Variants in ADGRG6 observed in about 807,000 individuals in gnomAD.
ADGRG6 encodes G-protein coupled receptor 126.
ADGRG6 carries 84 observed loss-of-function variants against 142.4 expected under a neutral mutation model. That is an observed-to-expected ratio of 0.59 (90% CI 0.49 to 0.71). The LOEUF (loss-of-function observed/expected upper bound fraction) is 0.71. Ranked by LOEUF, ADGRG6 falls within the 30% of genes least tolerant of loss-of-function variation. The pLI is 0.00. For synonymous variants in ADGRG6, 521 were observed against 520.5 expected (o/e 1.00, Z -0.01); for missense variants, 1,367 against 1,466.6 (o/e 0.93, Z 1.11).
Position 142,341,397 on chromosome 6 carries a change from TATATA to T in ADGRG6, c.104-26166_104-26162del, listed in dbSNP as rs1212271178. On this transcript the variant is annotated intron_variant, in intron 2 of 24. Transcript: ENST00000367609. ...ATTATATATATACTATATATTATAT[TATATA>T]ATATATTATATAATATAATTATATA... is the stretch of plus-strand genomic sequence containing the variant. Among the ~76,000 whole-genome samples, 9 of 123,954 alleles carry T rather than the reference TATATA, an allele frequency of 7.3e-5. No individual in the cohort carries two copies. The East Asian group carries it at 1.0e-3, about 14-fold the overall frequency. 81.3% of individuals were successfully genotyped at this position (123,954 alleles called of 152,430 possible). A position where few individuals can be genotyped will look rare whatever the true frequency, so the allele number is the denominator to read the frequency against.
chr6:142,403,930 AT>A lies in ADGRG6; in HGVS notation c.2088del (p.Phe696LeufsTer28), dbSNP rs1562370128. On this transcript the variant is annotated frameshift_variant, in exon 14 of 25. Coordinates refer to ENST00000367609, the MANE Select transcript of ADGRG6 (RefSeq NM_198569.3). LOFTEE classifies it high-confidence loss of function. ...TTACCAGGGACAAATGCAATTTCAA[AT>A]TTTAGCATTGGTCTTCCAAGCAATA... is the stretch of plus-strand genomic sequence containing the variant. ...SLLPGTNAIS[N>X]FSIGLPSNNE... 6.2e-7 allele frequency: 1 copy of A among 1,611,026 alleles called. No individual in the cohort carries two copies. Among genetic ancestry groups the A allele is most frequent in the Non-Finnish European group, 8.5e-7 (1 of 1,177,840 alleles).
At chr6:142,433,035 G>T (rs1056232923) in intron 22 of ADGRG6, among the ~76,000 whole-genome samples, 4 of 152,142 alleles carry the variant, frequency 2.6e-5, no homozygotes, top group Non-Finnish European at 5.9e-5. Context: ...AAAGACCTTC[G>T]TTGAAGTTTA....
In ADGRG6 at chr6:142,302,076, C is replaced by G; in HGVS notation, c.-254C>G. Reference sequence around the variant, plus strand: ...CTTCTCGCCCTCACCCTGCCAACTTCCCTGCGAGGAGGGACCTGCCGCCAG... The same window carrying G: ...CTTCTCGCCCTCACCCTGCCAACTTGCCTGCGAGGAGGGACCTGCCGCCAG... On this transcript the variant is annotated 5_prime_UTR_variant, in exon 1 of 25. Transcript: ENST00000367609. 1 of 534,514 alleles carries G rather than the reference C, an allele frequency of 1.9e-6. No individual in the cohort carries two copies. The highest frequency in any genetic ancestry group is 3.3e-6 in the Non-Finnish European group (1 of 304,594). The allele number at this position is 534,514 out of a possible 1,614,324, so 33.1% of individuals were successfully genotyped here.
chr6:142,319,732 A>G (rs1778424393), intron 2 of ADGRG6, among the ~76,000 whole-genome samples: 1 of 152,110 alleles, frequency 6.6e-6, no homozygotes, highest in African/African-American at 2.4e-5. Context: ...CAAGTGAAAC[A>G]GAGAGAAAGA....
At chr6:142,321,286 T>TACAC (rs10632214) in intron 2 of ADGRG6, among the ~76,000 whole-genome samples, 7,536 of 147,824 alleles carry the variant, frequency 0.051, 258 homozygotes, top group African/African-American at 0.089. Context: ...TAAGCATGCA[T>TACAC]ACACACACAC....
intron 2 of ADGRG6, among the ~76,000 whole-genome samples, chr6:142,317,955 A>G (rs1237958200): frequency 1.5e-5 from 1 of 68,354 alleles, no homozygotes; most frequent in African/African-American, 6.2e-5. Flanking sequence ...TATTTATATT[A>G]TATATTTATA....
chr6:142,331,871 G>C (rs1779080863), intron 2 of ADGRG6, among the ~76,000 whole-genome samples: 1 of 151,858 alleles, frequency 6.6e-6, no homozygotes, highest in Admixed American at 6.6e-5. Flanking sequence ...TAACTTTTTT[G>C]TCTAGTCATT....
intron 22 of ADGRG6, among the ~76,000 whole-genome samples, chr6:142,426,697 G>T (rs1425953071): frequency 6.6e-6 from 1 of 152,182 alleles, no homozygotes; most frequent in African/African-American, 2.4e-5. Context: ...CCTAGCGGAG[G>T]TTCTCCATGA....
intron 2 of ADGRG6, among the ~76,000 whole-genome samples, chr6:142,318,361 ATATT>A (rs1214620531): frequency 2.5e-5 from 2 of 80,038 alleles, no homozygotes; most frequent in African/African-American, 9.7e-5. Flanking sequence ...ATATTATATA[ATATT>A]TATATATATT....
intron 2 of ADGRG6, among the ~76,000 whole-genome samples, chr6:142,317,459 A>C (rs1023646670): frequency 1.3e-5 from 2 of 151,670 alleles, no homozygotes; most frequent in East Asian, 3.9e-4. Flanking sequence ...TCAAAGAGTT[A>C]GGTATCTTTA....
In ADGRG6 at chr6:142,390,474, T is replaced by C. The variant is rs1774832765; in HGVS notation, c.1308+131T>C. 6.2e-6 allele frequency: 3 copies of C among 486,418 alleles called. No individual in the cohort carries two copies. In the South Asian group the frequency reaches 9.0e-5, roughly 15 times the overall value. 30.1% of individuals were successfully genotyped at this position (486,418 alleles called of 1,614,324 possible). On this transcript the variant is annotated intron_variant, in intron 7 of 24. Coordinates refer to ENST00000367609, the MANE Select transcript of ADGRG6 (RefSeq NM_198569.3). ...TATTCATTAGAAATATATGAGTAGA[T>C]ATGTAAGTGAGGTGTTGTCCTTATG...
intron 2 of ADGRG6, among the ~76,000 whole-genome samples, chr6:142,321,709 T>C (rs549265201): frequency 1.2e-3 from 176 of 152,142 alleles, no homozygotes; most frequent in Admixed American, 1.8e-3. Flanking sequence ...TGGAAGGAGA[T>C]ATGGTAAGAT....
chr6:142,374,959 CATT>C (rs1279967316), intron 4 of ADGRG6, among the ~76,000 whole-genome samples: 2 of 152,070 alleles, frequency 1.3e-5, no homozygotes, highest in African/African-American at 4.8e-5. Flanking sequence ...AGTATACAAT[CATT>C]GTTATTAACA....
chr6:142,304,198 A>C (rs988238600), intron 1 of ADGRG6, among the ~76,000 whole-genome samples: 11 of 152,174 alleles, frequency 7.2e-5, no homozygotes, highest in African/African-American at 2.2e-4. Flanking sequence ...AACATAAGCT[A>C]TATTATCCTT....
chr6:142,420,113 A>C lies in ADGRG6; in HGVS notation c.3319+9A>C. The C allele has an allele frequency of 6.2e-7, 1 of 1,601,766 alleles. No individual in the cohort carries two copies. Among genetic ancestry groups the C allele is most frequent in the Non-Finnish European group, 8.5e-7 (1 of 1,169,656 alleles). ...CTTCAATTCATTACAAGGTAAGATAAATTGTACATGAATAGTCTCTGCTTT... is the reference window on the plus strand; with the variant it reads ...CTTCAATTCATTACAAGGTAAGATACATTGTACATGAATAGTCTCTGCTTT... On this transcript the variant is annotated intron_variant, in intron 22 of 24. Coordinates refer to ENST00000367609, the MANE Select transcript of ADGRG6 (RefSeq NM_198569.3).
chr6:142,429,779 T>C (rs1322678842), intron 22 of ADGRG6, among the ~76,000 whole-genome samples: 2 of 152,154 alleles, frequency 1.3e-5, no homozygotes, highest in African/African-American at 4.8e-5. Flanking sequence ...TGATCAGGTG[T>C]AGTGGCTCAC....
intron 22 of ADGRG6, among the ~76,000 whole-genome samples, chr6:142,432,071 A>G (rs1777241364): frequency 6.6e-6 from 1 of 152,096 alleles, no homozygotes; most frequent in African/African-American, 2.4e-5. Flanking sequence ...AAACAAAAAC[A>G]AAAAACCCTC....
chr6:142,411,656 A>G lies in ADGRG6; in HGVS notation c.2541+245A>G, dbSNP rs551951320. On this transcript the variant is annotated intron_variant, in intron 18 of 24. Transcript: ENST00000367609. ...CCTGTAGCATTAACAGTGATGATAA[A>G]TAATCCCAGAAACAAGAAAATCCTC... Among the ~76,000 whole-genome samples, 13 of 152,282 alleles carry G rather than the reference A, an allele frequency of 8.5e-5. No individual in the cohort carries two copies. In the East Asian group the frequency reaches 9.6e-4, roughly 11 times the overall value.
At chr6:142,312,537 T>G (rs1777819204) in intron 2 of ADGRG6, among the ~76,000 whole-genome samples, 1 of 152,080 alleles carries the variant, frequency 6.6e-6, no homozygotes, top group African/African-American at 2.4e-5. Flanking sequence ...GATTTATTTT[T>G]ACCCACTATC....
Sources: allele counts gnomAD v4.1 joint callset (sites outside exome capture counted in the v4.1 genomes callset), GRCh38; gene constraint gnomAD v4.1.1; transcripts MANE v1.5; gene names NCBI Gene and HGNC (gene_info 2026-07-23, HGNC 2026-07-21).